Variants in CPEB3 observed in about 807,000 individuals in gnomAD.
CPEB3 encodes cytoplasmic polyadenylation element binding protein 3, also known as cytoplasmic polyadenylation element-binding protein 3.
In CPEB3, 20 loss-of-function variants were observed where a neutral mutation model predicts 67.2. The ratio of observed to expected loss-of-function variants is 0.30; its 90% CI spans 0.21 to 0.43. The LOEUF is 0.43. CPEB3 is among the 20% of genes least tolerant of loss of function. CPEB3 has a pLI of 1.00. For synonymous variants in CPEB3, 376 were observed against 393.1 expected, an observed-to-expected ratio of 0.96 and a Z score of 0.51; for missense variants, 746 against 968.6, an observed-to-expected ratio of 0.77 and a Z score of 3.05.
chr10:92,201,662 G>A (rs780580618), intron 2 of CPEB3, among the ~76,000 whole-genome samples: 2 of 152,194 alleles, frequency 1.3e-5, no homozygotes, highest in Non-Finnish European at 2.9e-5. Flanking sequence ...TTAGCCAGCA[G>A]AATATTATCT....
chr10:92,159,588 C>T lies in CPEB3; in HGVS notation c.1223-14503G>A, dbSNP rs372824379. ...TCAGGAAACTGAGGCAGGAGAATTGCTTGAACCCAGGAGGTGGAGGTTGCA... is the reference window on the plus strand; with the variant it reads ...TCAGGAAACTGAGGCAGGAGAATTGTTTGAACCCAGGAGGTGGAGGTTGCA... On this transcript the variant is annotated intron_variant, in intron 4 of 9. Coordinates refer to ENST00000265997, the MANE Select transcript of CPEB3 (RefSeq NM_014912.5). 9.9e-5 allele frequency among the ~76,000 whole-genome samples: 15 copies of T among 152,040 alleles called. No homozygotes were observed. In the East Asian group the frequency reaches 2.9e-3, roughly 30 times the overall value.
intron 7 of CPEB3, among the ~76,000 whole-genome samples, chr10:92,098,552 C>G (rs558799223): frequency 2.1e-4 from 32 of 152,218 alleles, no homozygotes; most frequent in African/African-American, 7.7e-4. Context: ...TCAACCACCT[C>G]AGTGTGAAGT....
At chr10:92,132,986 T>G (rs1289373956) in intron 6 of CPEB3, among the ~76,000 whole-genome samples, 2 of 152,076 alleles carry the variant, frequency 1.3e-5, no homozygotes. Context: ...AAAGACACAA[T>G]GTACCAGAAT....
rs1352512204 is a variant in CPEB3 at position 92,271,114 on chromosome 10, C to T, written c.-12+19812G>A. On this transcript the variant is annotated intron_variant, in intron 1 of 9. Transcript: ENST00000265997. ...AGGAGAATCGCTTGAACCTGAGAGGCGGAGGTTGCAGTGAGCCGAGATCGC... is the reference window on the plus strand; with the variant it reads ...AGGAGAATCGCTTGAACCTGAGAGGTGGAGGTTGCAGTGAGCCGAGATCGC... Among the ~76,000 whole-genome samples the T allele has an allele frequency of 3.9e-5, 6 of 152,064 alleles. No individual in the cohort carries two copies. In the East Asian group the frequency reaches 5.8e-4, roughly 15 times the overall value.
At chr10:92,212,751 T>C (rs766113224) in intron 2 of CPEB3, among the ~76,000 whole-genome samples, 13 of 152,100 alleles carry the variant, frequency 8.5e-5, no homozygotes, top group Non-Finnish European at 1.8e-4. Context: ...ATTTCACATA[T>C]AGAGGTTAAA....
At chr10:92,089,356 C>T (rs1263862345) in intron 8 of CPEB3, among the ~76,000 whole-genome samples, 1 of 151,958 alleles carries the variant, frequency 6.6e-6, no homozygotes, top group East Asian at 1.9e-4. Context: ...ACTTTGCCAC[C>T]TAGAAACTAG....
At position 92,052,159 on chromosome 10, in the gene CPEB3, CT is replaced by C; in HGVS notation, c.*52del. ...TGTAAGCCCTGAGGCAGTGCCCTCTCTTTTCCCTCCTTGTTATCTACTCCAG... is the reference window on the plus strand; with the variant it reads ...TGTAAGCCCTGAGGCAGTGCCCTCTCTTTCCCTCCTTGTTATCTACTCCAG... On this transcript the variant is annotated 3_prime_UTR_variant, in exon 10 of 10. Transcript: ENST00000265997. 7.6e-7 allele frequency: 1 copy of C among 1,309,306 alleles called. No individual in the cohort carries two copies. Among genetic ancestry groups the C allele is most frequent in the Non-Finnish European group, 1.1e-6 (1 of 910,712 alleles). 81.1% of individuals were successfully genotyped at this position (1,309,306 alleles called of 1,614,324 possible).
chr10:92,067,106 A>AT (rs1842579641), intron 9 of CPEB3, among the ~76,000 whole-genome samples: 1 of 150,980 alleles, frequency 6.6e-6, no homozygotes, highest in Admixed American at 6.6e-5. Context: ...AAATAAAAAT[A>AT]TTTTATTAAT....
At chr10:92,087,363 A>C (rs1843416592) in intron 8 of CPEB3, among the ~76,000 whole-genome samples, 1 of 152,242 alleles carries the variant, frequency 6.6e-6, no homozygotes, top group Non-Finnish European at 1.5e-5. Flanking sequence ...GAATTATCAC[A>C]GCAATTGTTA....
chr10:92,213,564 TATCA>T (rs1414576061), intron 2 of CPEB3, among the ~76,000 whole-genome samples: 1 of 152,220 alleles, frequency 6.6e-6, no homozygotes, highest in African/African-American at 2.4e-5. Flanking sequence ...AGGCATAATA[TATCA>T]ATTTCATTGA....
At chr10:92,286,992 T>C (rs1842557699) in intron 1 of CPEB3, among the ~76,000 whole-genome samples, 1 of 152,250 alleles carries the variant, frequency 6.6e-6, no homozygotes, top group East Asian at 1.9e-4. Context: ...TCAAGCTTTG[T>C]TCTTGTCCTC....
chr10:92,192,388 A>G lies in CPEB3; in HGVS notation c.1165+89T>C. 4 of 1,337,504 alleles carry G rather than the reference A, an allele frequency of 3.0e-6. No homozygotes were observed. In the South Asian group the frequency reaches 5.8e-5, roughly 19 times the overall value. The allele number at this position is 1,337,504 out of a possible 1,614,324, so 82.9% of individuals were successfully genotyped here. A position where few individuals can be genotyped will look rare whatever the true frequency, so the allele number is the denominator to read the frequency against. On this transcript the variant is annotated intron_variant, in intron 3 of 9. Coordinates refer to ENST00000265997, the MANE Select transcript of CPEB3 (RefSeq NM_014912.5). ...AGAAGCAAAACAAAAACAAGCAAACAAAAAACAAACCAGAAAAATCAAAAT... is the reference window on the plus strand; with the variant it reads ...AGAAGCAAAACAAAAACAAGCAAACGAAAAACAAACCAGAAAAATCAAAAT...
intron 3 of CPEB3, among the ~76,000 whole-genome samples, chr10:92,189,947 G>T (rs1347808124): frequency 6.6e-6 from 1 of 150,402 alleles, no homozygotes; most frequent in African/African-American, 2.4e-5. Flanking sequence ...TTAAGCTCTA[G>T]GAAAAAAAAA....
intron 7 of CPEB3, among the ~76,000 whole-genome samples, chr10:92,093,233 C>T (rs985945457): frequency 6.6e-6 from 1 of 152,156 alleles, no homozygotes; most frequent in African/African-American, 2.4e-5. Flanking sequence ...CCTCAAGGAA[C>T]ATGCCATTCC....
At chr10:92,124,035 C>T (rs564607382) in intron 6 of CPEB3, among the ~76,000 whole-genome samples, 3 of 152,322 alleles carry the variant, frequency 2.0e-5, no homozygotes, top group East Asian at 1.9e-4. Flanking sequence ...CTAAAACATC[C>T]TCTCTGCCTC....
At chr10:92,096,275 A>G (rs1031440553) in intron 7 of CPEB3, among the ~76,000 whole-genome samples, 3 of 152,170 alleles carry the variant, frequency 2.0e-5, no homozygotes, top group Non-Finnish European at 2.9e-5. Flanking sequence ...ATTAGGTATT[A>G]TAAGTAATCT....
intron 2 of CPEB3, among the ~76,000 whole-genome samples, chr10:92,203,470 G>A (rs1252795926): frequency 3.5e-5 from 5 of 144,566 alleles, no homozygotes; most frequent in Admixed American, 7.0e-5. Flanking sequence ...ATGTATATGT[G>A]TATATATATG....
At chr10:92,125,382 G>A (rs1047395927) in intron 6 of CPEB3, among the ~76,000 whole-genome samples, 25 of 152,316 alleles carry the variant, frequency 1.6e-4, no homozygotes, top group African/African-American at 4.6e-4. Flanking sequence ...AACATCTGTA[G>A]CTGGCTGCCA....
intron 1 of CPEB3, among the ~76,000 whole-genome samples, chr10:92,261,066 C>T (rs930757510): frequency 6.6e-6 from 1 of 151,906 alleles, no homozygotes; most frequent in Non-Finnish European, 1.5e-5. Flanking sequence ...TCTGTACAAG[C>T]TGATGAGTCA....
Sources: allele counts gnomAD v4.1 joint callset (sites outside exome capture counted in the v4.1 genomes callset), GRCh38; gene constraint gnomAD v4.1.1; transcripts MANE v1.5; gene names NCBI Gene and HGNC (gene_info 2026-07-23, HGNC 2026-07-21).